The following ASXL2 variants were observed in gnomAD, a reference collection of about 807,000 sequenced individuals.
ASXL2 encodes the protein putative Polycomb group protein ASXL2.
Under a neutral mutation model 122.0 loss-of-function variants are expected in ASXL2, and 23 were observed. That is an observed-to-expected ratio of 0.19 (90% CI 0.14 to 0.27). The LOEUF is 0.27. Ranked by LOEUF, ASXL2 falls within the 10% of genes least tolerant of loss-of-function variation. The probability of loss-of-function intolerance (pLI) is 1.00; values close to 1 mark genes in which losing one functional copy is unlikely to be tolerated. For missense variants in ASXL2, 1,518 were observed against 1,713.8 expected (o/e 0.89, Z 2.02); for synonymous variants, 650 against 637.0 (o/e 1.02, Z -0.31).
rs765922733 is a variant in ASXL2, at chr2:25,799,446, G to A, written c.342C>T (p.Ser114=). 1.2e-6 allele frequency: 2 copies of A among 1,613,924 alleles called. No individual in the cohort carries two copies. The highest frequency in any genetic ancestry group is 1.7e-6 in the Non-Finnish European group (2 of 1,179,874). The stretch of plus-strand genomic sequence containing the variant: ...TGCTGCCACCATCACTGCTGCTGCT[G>A]CTGTTCTCAGAACTCTGGGAATCTG... ...GQSDSQSSEN[S]SSSSDGGSNK... Residue 114 remains serine (S), a synonymous_variant, in exon 5 of 13, where the codon AGC becomes AGT. Transcript: ENST00000435504.
intron 4 of ASXL2, among the ~76,000 whole-genome samples, chr2:25,803,993 T>C (rs4665796): frequency 0.019 from 2,932 of 152,150 alleles, 297 homozygotes; most frequent in Admixed American, 0.16. Context: ...GGTTTTTTTT[T>C]CCCCCCAATC....
intron 5 of ASXL2, among the ~76,000 whole-genome samples, chr2:25,797,394 G>A (rs2088926895): frequency 6.6e-6 from 1 of 152,198 alleles, no homozygotes; most frequent in Non-Finnish European, 1.5e-5. Context: ...GCAGTGAGCC[G>A]AGATCGCTCC....
chr2:25,789,424 T>A (rs2088796838), intron 5 of ASXL2, among the ~76,000 whole-genome samples: 1 of 152,142 alleles, frequency 6.6e-6, no homozygotes, highest in African/African-American at 2.4e-5. Flanking sequence ...TTGTTTATGC[T>A]ATTGGAAGTT....
At chr2:25,866,753 G>A (rs993428405) in intron 1 of ASXL2, among the ~76,000 whole-genome samples, 1 of 151,996 alleles carries the variant, frequency 6.6e-6, no homozygotes, top group Non-Finnish European at 1.5e-5. Context: ...AAGAATCTGA[G>A]ATAGAGTCTT....
intron 5 of ASXL2, among the ~76,000 whole-genome samples, 186 bp from the exon 6 acceptor site, chr2:25,771,726 T>C (rs76032762): frequency 0.025 from 3,857 of 152,288 alleles, 142 homozygotes; most frequent in African/African-American, 0.081. Flanking sequence ...AAAGTTCTAA[T>C]GAAGGATGAT....
chr2:25,848,657 A>G (rs945815861), intron 1 of ASXL2, among the ~76,000 whole-genome samples: 7 of 152,020 alleles, frequency 4.6e-5, no homozygotes, highest in African/African-American at 1.7e-4. Context: ...AATAAATAGA[A>G]GTGGAGACCA....
intron 5 of ASXL2, among the ~76,000 whole-genome samples, chr2:25,790,449 A>T (rs1451953545): frequency 3.3e-5 from 5 of 152,014 alleles, no homozygotes; most frequent in African/African-American, 9.7e-5. Flanking sequence ...AAGGAAAAAA[A>T]TTAAAGCTTT....
chr2:25,823,845 G>A (rs2149182905), intron 3 of ASXL2, among the ~76,000 whole-genome samples: 1 of 151,704 alleles, frequency 6.6e-6, no homozygotes, highest in Middle Eastern at 3.4e-3. Flanking sequence ...CTTCTTGGCT[G>A]TCCTTTTAAG....
At chr2:25,777,581 C>T (rs567351611) in intron 5 of ASXL2, among the ~76,000 whole-genome samples, 1 of 149,894 alleles carries the variant, frequency 6.7e-6, no homozygotes, top group East Asian at 1.9e-4. Flanking sequence ...GAGACCCTAT[C>T]GTTTAATAAA....
rs553035004 is a variant in ASXL2 at position 25,796,452 on chromosome 2, T to C, written c.403+2933A>G. ...TTATAAATATTGGGATAAACAAGAT[T>C]TGCCCTCTTTGAATAGACTCTGACA... On this transcript the variant is annotated intron_variant, in intron 5 of 12. Coordinates refer to ENST00000435504, the MANE Select transcript of ASXL2 (RefSeq NM_018263.6). 9.8e-5 allele frequency among the ~76,000 whole-genome samples: 15 copies of C among 152,332 alleles called. 1 individual carries two copies. The highest frequency in any genetic ancestry group is 3.6e-4 in the African/African-American group (15 of 41,564).
chr2:25,833,695 CAA>C (rs35746015), intron 3 of ASXL2, among the ~76,000 whole-genome samples: 1 of 140,828 alleles, frequency 7.1e-6, no homozygotes. Context: ...GACCCTGTCT[CAA>C]AAAAAAAAAA....
chr2:25,803,537 T>A (rs564617831), intron 4 of ASXL2, among the ~76,000 whole-genome samples: 9 of 151,868 alleles, frequency 5.9e-5, no homozygotes, highest in East Asian at 1.9e-4. Context: ...CAGAATGGAG[T>A]TGAATTACAG....
chr2:25,791,151 C>A (rs1206425525), intron 5 of ASXL2, among the ~76,000 whole-genome samples: 1 of 151,890 alleles, frequency 6.6e-6, no homozygotes, highest in South Asian at 2.1e-4. Context: ...GAAGAGTCAT[C>A]AGTGTCTCCA....
At chr2:25,850,256 T>C (rs1026560141) in intron 1 of ASXL2, among the ~76,000 whole-genome samples, 7 of 152,158 alleles carry the variant, frequency 4.6e-5, no homozygotes. Flanking sequence ...TGTCCCAAAT[T>C]TACAGGGAAA....
chr2:25,741,284 T>C lies in ASXL2; in HGVS notation c.*745A>G. ...GAGGCACTCCCTTCACGGACTACAT[T>C]CACTGTCTCAGGGCAGGGGGTGGGA... On this transcript the variant is annotated 3_prime_UTR_variant, in exon 13 of 13. Coordinates refer to ENST00000435504, the MANE Select transcript of ASXL2 (RefSeq NM_018263.6). 4.5e-6 allele frequency: 1 copy of C among 224,472 alleles called. No homozygotes were observed. The highest frequency in any genetic ancestry group is 8.9e-6 in the Non-Finnish European group (1 of 112,676). The allele number at this position is 224,472 out of a possible 1,614,324, so 13.9% of individuals were successfully genotyped here.
rs543672044 is a variant in ASXL2 at position 25,735,338 on chromosome 2, A to G, written c.*6691T>C. On this transcript the variant is annotated 3_prime_UTR_variant, in exon 13 of 13. Coordinates refer to ENST00000435504, the MANE Select transcript of ASXL2 (RefSeq NM_018263.6). Reference sequence around the variant, plus strand: ...TCCTCCTGGTTCCTGGACAGAGACTACGTTACATAGTGGAATACACCAAAT... The same window carrying G: ...TCCTCCTGGTTCCTGGACAGAGACTGCGTTACATAGTGGAATACACCAAAT... 4 of 152,366 alleles carry G rather than the reference A, an allele frequency of 2.6e-5. No homozygotes were observed. The East Asian group carries it at 7.7e-4, about 29-fold the overall frequency. The allele number at this position is 152,366 out of a possible 1,614,324, so 9.4% of individuals were successfully genotyped here.
Position 25,744,414 on chromosome 2 carries a change from A to G in ASXL2, c.1923T>C (p.Arg641=). ...FHPSQVSPRA[R]FPVSITSPNR... ...TAGGACTAGTGATGGAGACTGGAAA[A>G]CGAGCCCTGGGAGAGACCTGCGATG... Residue 641 remains arginine (R), a synonymous_variant, in exon 13 of 13, where the codon CGT becomes CGC. Coordinates refer to ENST00000435504, the MANE Select transcript of ASXL2 (RefSeq NM_018263.6). This position sits in a 1 kb window ranked among gnomAD's most constrained non-coding sequence, Gnocchi z 4.7. 6.2e-7 allele frequency: 1 copy of G among 1,613,586 alleles called. No homozygotes were observed. Among genetic ancestry groups the G allele is most frequent in the Non-Finnish European group, 8.5e-7 (1 of 1,179,816 alleles).
At chr2:25,770,174 T>G (rs1339756396) in intron 6 of ASXL2, among the ~76,000 whole-genome samples, 1 of 152,226 alleles carries the variant, frequency 6.6e-6, no homozygotes, top group Non-Finnish European at 1.5e-5. Flanking sequence ...TTGCATCTAT[T>G]TCTGCTGTGA....
At chr2:25,801,102 A>AT (rs988118908) in intron 4 of ASXL2, among the ~76,000 whole-genome samples, 130 of 152,118 alleles carry the variant, frequency 8.5e-4, no homozygotes, top group Middle Eastern at 3.4e-3. Context: ...AATTTTTTAA[A>AT]TTTTTTTATA....
Sources: gnomAD v4.1 joint callset for allele counts (sites outside exome capture counted in the v4.1 genomes callset) on GRCh38, gnomAD v4.1.1 for gene constraint, Gnocchi (gnomAD v3.1) non-coding constraint, MANE v1.5 for transcripts, NCBI Gene and HGNC (gene_info 2026-07-23, HGNC 2026-07-21) for gene names.